The following ZNF236 variants were observed in gnomAD, a reference collection of about 807,000 sequenced individuals.
ZNF236 encodes the protein regulated by glucose.
Under a neutral mutation model 191.2 loss-of-function variants are expected in ZNF236, and 50 were observed. The ratio of observed to expected loss-of-function variants is 0.26; its 90% CI spans 0.21 to 0.33. The LOEUF (loss-of-function observed/expected upper bound fraction) is 0.33. ZNF236 is among the 10% of genes least tolerant of loss of function. The probability of loss-of-function intolerance (pLI) is 1.00; values close to 1 mark genes in which losing one functional copy is unlikely to be tolerated. For missense variants in ZNF236, 1,754 were observed against 2,374.5 expected, an observed-to-expected ratio of 0.74 and a Z score of 5.43; for synonymous variants, 907 against 928.8, an observed-to-expected ratio of 0.98 and a Z score of 0.43.
chr18:76,883,044 C>T (rs949894829), intron 9 of ZNF236, among the ~76,000 whole-genome samples: 13 of 152,220 alleles, frequency 8.5e-5, no homozygotes, highest in Admixed American at 5.2e-4. Context: ...CCTGAGAGTA[C>T]ACATAGCCAT....
rs561135363 is a variant in ZNF236, at chr18:76,848,744, C to T, written c.56-782C>T. Among the ~76,000 whole-genome samples, 64 of 152,228 alleles carry T rather than the reference C, an allele frequency of 4.2e-4. 1 individual carries two copies. The highest frequency in any genetic ancestry group is 3.4e-3 in the Middle Eastern group (1 of 294). On this transcript the variant is annotated intron_variant, in intron 1 of 30. Transcript: ENST00000320610. Reference sequence around the variant, plus strand: ...GCAGTGGTGGGATCATCGGTCACTACGCCCCGAAACTCTTGGACTCAAGAG... The same window carrying T: ...GCAGTGGTGGGATCATCGGTCACTATGCCCCGAAACTCTTGGACTCAAGAG...
At chr18:76,841,595 T>C (rs2122459537) in intron 1 of ZNF236, among the ~76,000 whole-genome samples, 1 of 152,286 alleles carries the variant, frequency 6.6e-6, no homozygotes, top group South Asian at 2.1e-4. Flanking sequence ...GAATCAACAG[T>C]CTTAGGCTTA....
Position 76,927,944 on chromosome 18 carries a change from C to G in ZNF236, c.4432C>G (p.Gln1478Glu). 6.2e-7 allele frequency: 1 copy of G among 1,605,852 alleles called. No individual in the cohort carries two copies. The highest frequency in any genetic ancestry group is 2.3e-5 in the East Asian group (1 of 44,366). The change falls in exon 25 of 31, where the codon CAA (glutamine) becomes GAA (glutamate). Residue 1478 changes from glutamine (Q) to glutamate (E), a missense_variant. Physicochemically the swap from Gln to Glu is conservative, Grantham distance 29. Transcript: ENST00000320610. The surrounding 1 kb of genome is among the most constrained non-coding windows in gnomAD (Gnocchi z 5.4). ...ACAATCAGGGACCCAAGACCTCACTCAAGTGATGACTTCGCAAGGTCTAGT... is the reference window on the plus strand; with the variant it reads ...ACAATCAGGGACCCAAGACCTCACTGAAGTGATGACTTCGCAAGGTCTAGT... The part of the protein sequence containing the change: ...TNSSGTQDLT[Q>E]VMTSQGLVSP...
chr18:76,844,715 C>G (rs968981221), intron 1 of ZNF236, among the ~76,000 whole-genome samples: 1 of 152,078 alleles, frequency 6.6e-6, no homozygotes, highest in African/African-American at 2.4e-5. Flanking sequence ...GCTATAAATG[C>G]AATAAGTTTT....
chr18:76,858,232 G>T (rs1443465445), intron 3 of ZNF236, among the ~76,000 whole-genome samples: 1 of 152,110 alleles, frequency 6.6e-6, no homozygotes, highest in Non-Finnish European at 1.5e-5. Flanking sequence ...TGTAGCGATG[G>T]CATATTCACT....
chr18:76,846,486 G>A (rs1258568250), intron 1 of ZNF236, among the ~76,000 whole-genome samples: 1 of 152,196 alleles, frequency 6.6e-6, no homozygotes, highest in African/African-American at 2.4e-5. Flanking sequence ...GAAGGGAACT[G>A]GCTCCCTGTA....
At chr18:76,866,964 C>T (rs1007478312) in intron 3 of ZNF236, among the ~76,000 whole-genome samples, 14 of 152,152 alleles carry the variant, frequency 9.2e-5, no homozygotes, top group East Asian at 1.9e-4. Flanking sequence ...CTGAGCACGT[C>T]GTGCATAAAC....
At chr18:76,901,482 G>A (rs2122729402) in intron 11 of ZNF236, among the ~76,000 whole-genome samples, 1 of 152,322 alleles carries the variant, frequency 6.6e-6, no homozygotes, top group Admixed American at 6.5e-5. Flanking sequence ...AGTCTGGTTG[G>A]GCGCGGTGGC....
intron 3 of ZNF236, among the ~76,000 whole-genome samples, chr18:76,856,383 A>C (rs1427500370): frequency 6.6e-6 from 1 of 152,084 alleles, no homozygotes. Context: ...GGGCTTTGCC[A>C]TGTTGGCCAG....
In ZNF236 at chr18:76,912,337, C is replaced by T. The variant is rs375450911; in HGVS notation, c.2899C>T (p.Arg967Cys). The change falls in exon 17 of 31, where the codon CGC becomes TGC. Residue 967 changes from arginine to cysteine, a missense_variant. Physicochemically the swap from Arg to Cys is radical, Grantham distance 180 (BLOSUM62 -3). This residue lies in a region of ZNF236 where 641 missense variants were observed against 869.6 expected (regional missense o/e 0.74). Transcript: ENST00000320610. Reference sequence around the variant, plus strand: ...GGAGGACAACGAGGACCAGAGCAGGCGCTCTTACAGGTAGTTGTCTGCACA... The same window carrying T: ...GGAGGACAACGAGGACCAGAGCAGGTGCTCTTACAGGTAGTTGTCTGCACA... ...FLEDNEDQSR[R>C]SYRCDYCNKG... 3.7e-6 allele frequency: 6 copies of T among 1,613,384 alleles called. No individual in the cohort carries two copies. Among genetic ancestry groups the T allele is most frequent in the East Asian group, 4.5e-5 (2 of 44,900 alleles).
At chr18:76,940,276 G>A in intron 26 of ZNF236, among the ~76,000 whole-genome samples, 1 of 148,478 alleles carries the variant, frequency 6.7e-6, no homozygotes, top group Middle Eastern at 3.4e-3. Flanking sequence ...ACTGCATTTG[G>A]GAACACGGTG....
chr18:76,875,526 G>A lies in ZNF236; in HGVS notation c.702G>A (p.Lys234=), dbSNP rs758533820. The A allele has an allele frequency of 4.5e-6, 7 of 1,562,202 alleles. 1 individual carries two copies. In the South Asian group the frequency reaches 5.9e-5, roughly 13 times the overall value. The part of the protein sequence containing the change: ...ERPFKCSECG[K]AFNQKGALQT... ...CGTTCAAATGTAGTGAATGTGGAAAGGCTTTTAACCAGAAGGGGGCACTGC... is the reference window on the plus strand; with the variant it reads ...CGTTCAAATGTAGTGAATGTGGAAAAGCTTTTAACCAGAAGGGGGCACTGC... Residue 234 remains lysine (K), a synonymous_variant, in exon 6 of 31, where the codon AAG becomes AAA. Transcript: ENST00000320610. The surrounding 1 kb of genome is among the most constrained non-coding windows in gnomAD (Gnocchi z 4.3).
At chr18:76,852,490 G>A (rs1599331984) in intron 3 of ZNF236, among the ~76,000 whole-genome samples, 1 of 152,098 alleles carries the variant, frequency 6.6e-6, no homozygotes, top group African/African-American at 2.4e-5. Context: ...GGTGCCAATG[G>A]CTATTGCTTA....
chr18:76,825,803 G>T (rs1974999047), intron 1 of ZNF236, among the ~76,000 whole-genome samples: 1 of 152,044 alleles, frequency 6.6e-6, no homozygotes, highest in Non-Finnish European at 1.5e-5. Context: ...TAGAGATGGG[G>T]TTTCACAATG....
chr18:76,840,038 G>A (rs1975433387), intron 1 of ZNF236, among the ~76,000 whole-genome samples: 1 of 152,082 alleles, frequency 6.6e-6, no homozygotes, highest in Admixed American at 6.6e-5. Flanking sequence ...CACTTGAGGT[G>A]TTATTTTGTT....
intron 10 of ZNF236, among the ~76,000 whole-genome samples, chr18:76,897,383 T>C (rs1977460891): frequency 7.2e-6 from 1 of 139,634 alleles, no homozygotes; most frequent in Admixed American, 7.4e-5. Context: ...GTACATAGAG[T>C]ACCAAACACA....
At chr18:76,946,229 T>C (rs1465300518) in intron 26 of ZNF236, among the ~76,000 whole-genome samples, 1 of 152,212 alleles carries the variant, frequency 6.6e-6, no homozygotes, top group Non-Finnish European at 1.5e-5. Flanking sequence ...ATCTGATGGT[T>C]ATAAAAAGGG....
chr18:76,861,276 C>T (rs947726064), intron 3 of ZNF236, among the ~76,000 whole-genome samples: 1 of 152,182 alleles, frequency 6.6e-6, no homozygotes, highest in Non-Finnish European at 1.5e-5. Flanking sequence ...CAGGTTTGTC[C>T]AACATCTTCA....
intron 1 of ZNF236, among the ~76,000 whole-genome samples, chr18:76,832,442 A>AT (rs5826481): frequency 0.029 from 4,081 of 140,744 alleles, 158 homozygotes; most frequent in African/African-American, 0.096. Flanking sequence ...AAAGGTCAGG[A>AT]TTTTTTTTTT....
Sources: allele counts gnomAD v4.1 joint callset (sites outside exome capture counted in the v4.1 genomes callset), GRCh38; gene constraint gnomAD v4.1.1; regional missense constraint gnomAD v4.1.1; non-coding constraint Gnocchi (gnomAD v3.1); transcripts MANE v1.5; gene names NCBI Gene and HGNC (gene_info 2026-07-23, HGNC 2026-07-21).